FKBP5: variants seen among roughly 807,000 people sequenced by gnomAD.
FKBP5 encodes FKBP prolyl isomerase 5.
FKBP5 carries 23 observed loss-of-function variants against 50.5 expected under a neutral mutation model. The observed-to-expected ratio is 0.46, with a 90% CI of 0.33 to 0.65. The LOEUF is 0.65. Among genes scored for constraint, FKBP5 ranks in the 30% least tolerant of loss-of-function variants. The pLI, the probability that FKBP5 is intolerant of heterozygous loss-of-function variation, is 0.02. For synonymous variants in FKBP5, 176 were observed against 190.6 expected (o/e 0.92, Z 0.63); for missense variants, 411 against 553.1 (o/e 0.74, Z 2.58).
chr6:35,677,396 G>A (rs1404022360), intron 1 of FKBP5, among the ~76,000 whole-genome samples: 1 of 152,196 alleles, frequency 6.6e-6, no homozygotes, highest in African/African-American at 2.4e-5. Context: ...TTTTTAAAGG[G>A]AACTATCTTG....
At chr6:35,662,434 C>T (rs899413760) in intron 1 of FKBP5, among the ~76,000 whole-genome samples, 22 of 148,428 alleles carry the variant, frequency 1.5e-4, no homozygotes, top group African/African-American at 4.8e-4. Context: ...ACAACCACAC[C>T]CAGCTAATTT....
chr6:35,666,394 T>TAAAAAAAAAAAAAAAAAAAAAAAAAAA lies in FKBP5; in HGVS notation c.-20+22409_-20+22410insTTTTTTTTTTTTTTTTTTTTTTTTTTT, dbSNP rs550878351. ...CATGCAGAAACACTACTATTATAGT[T>TAAAAAAAAAAAAAAAAAAAAAAAAAAA]AAAAAAAAAAAAAAAAAAAAAAAAA... On this transcript the variant is annotated intron_variant, in intron 1 of 10. Transcript: ENST00000357266. Among the ~76,000 whole-genome samples, 43 of 33,254 alleles carry TAAAAAAAAAAAAAAAAAAAAAAAAAAA rather than the reference T, an allele frequency of 1.3e-3. 9 individuals carry two copies. Among genetic ancestry groups the TAAAAAAAAAAAAAAAAAAAAAAAAAAA allele is most frequent in the East Asian group, 4.9e-3 (4 of 824 alleles). The allele number at this position is 33,254 out of a possible 152,430, so 21.8% of individuals were successfully genotyped here. A position where few individuals can be genotyped will look rare whatever the true frequency, so the allele number is the denominator to read the frequency against.
At chr6:35,658,732 A>C (rs1238711728) in intron 1 of FKBP5, among the ~76,000 whole-genome samples, 1 of 22,114 alleles carries the variant, frequency 4.5e-5, no homozygotes, top group African/African-American at 1.1e-4. Context: ...ACTGTATTTT[A>C]TCATTTTTAT....
At chr6:35,650,719 G>A (rs1186434697) in intron 1 of FKBP5, among the ~76,000 whole-genome samples, 2 of 151,872 alleles carry the variant, frequency 1.3e-5, no homozygotes, top group Admixed American at 1.3e-4. Flanking sequence ...CAAGTGACCC[G>A]CCCGCCTCAG....
chr6:35,711,208 T>A (rs956685449), intron 2 of FKBP5, among the ~76,000 whole-genome samples: 6 of 151,820 alleles, frequency 4.0e-5, no homozygotes, highest in African/African-American at 1.4e-4. Context: ...TCCCAGCTAC[T>A]TGGGAGGCTG....
chr6:35,660,264 A>ATTTTTTTTT (rs773891773), intron 1 of FKBP5, among the ~76,000 whole-genome samples: 1 of 46,714 alleles, frequency 2.1e-5, no homozygotes, highest in Non-Finnish European at 4.4e-5. Flanking sequence ...CATTGATGCT[A>ATTTTTTTTT]TTTTTTTTTT....
chr6:35,588,121 G>C (rs1337314215), intron 7 of FKBP5, among the ~76,000 whole-genome samples: 1 of 151,618 alleles, frequency 6.6e-6, no homozygotes, highest in Non-Finnish European at 1.5e-5. Context: ...TGCCTCCCGG[G>C]TTCAAGTGAT....
intron 3 of FKBP5, among the ~76,000 whole-genome samples, chr6:35,633,083 A>G (rs1458640720): frequency 6.6e-6 from 1 of 152,186 alleles, no homozygotes; most frequent in Non-Finnish European, 1.5e-5. Context: ...AAGTCATACT[A>G]GAATCCCCAA....
upstream of FKBP5, among the ~76,000 whole-genome samples, chr6:35,690,530 C>T (rs532110287): frequency 1.3e-5 from 2 of 151,760 alleles, no homozygotes; most frequent in Non-Finnish European, 2.9e-5. Context: ...GAAACCGCCT[C>T]GAGGGCAGGG....
At chr6:35,701,486 G>T (rs1167803935) in intron 2 of FKBP5, among the ~76,000 whole-genome samples, 2 of 151,704 alleles carry the variant, frequency 1.3e-5, no homozygotes, top group South Asian at 2.1e-4. Flanking sequence ...CTCGTGATCC[G>T]CCCGCCTCGG....
intron 2 of FKBP5, among the ~76,000 whole-genome samples, chr6:35,702,740 C>T (rs992611778): frequency 1.3e-5 from 2 of 152,056 alleles, no homozygotes; most frequent in Admixed American, 6.6e-5. Flanking sequence ...GCATGAGCCA[C>T]CGCGCCCAGC....
intron 6 of FKBP5, among the ~76,000 whole-genome samples, chr6:35,592,271 G>C (rs7754690): frequency 0.029 from 4,451 of 152,246 alleles, 156 homozygotes; most frequent in African/African-American, 0.081. Flanking sequence ...TGGGGCAAAG[G>C]GACTAGAGTG....
chr6:35,581,653 T>C, intron 8 of FKBP5: 1 of 985,422 alleles, frequency 1.0e-6, no homozygotes. Flanking sequence ...GTGTCCACTG[T>C]GATTTTAAGG....
At chr6:35,635,927 A>G (rs1764297582) in intron 3 of FKBP5, among the ~76,000 whole-genome samples, 1 of 152,252 alleles carries the variant, frequency 6.6e-6, no homozygotes, top group South Asian at 2.1e-4. Flanking sequence ...GAATATAATT[A>G]TCTGATACTA....
At chr6:35,691,887 G>A (rs998173990), upstream of FKBP5, among the ~76,000 whole-genome samples, 2 of 152,118 alleles carry the variant, frequency 1.3e-5, no homozygotes, top group Non-Finnish European at 2.9e-5. Context: ...GTAGTACACA[G>A]GGCCGTGTAC....
At chr6:35,582,236 A>G in intron 8 of FKBP5, 1 of 985,408 alleles carries the variant, frequency 1.0e-6, no homozygotes, top group Non-Finnish European at 1.2e-6. Flanking sequence ...CAGGTCATTC[A>G]TAAGAACACG....
chr6:35,691,014 A>T (rs1316213110), upstream of FKBP5, among the ~76,000 whole-genome samples: 2 of 152,080 alleles, frequency 1.3e-5, no homozygotes, highest in African/African-American at 4.8e-5. Context: ...CTCAAAAAAA[A>T]TAATAATAAA....
chr6:35,629,224 C>A (rs1764082919), intron 3 of FKBP5, among the ~76,000 whole-genome samples: 1 of 152,020 alleles, frequency 6.6e-6, no homozygotes, highest in South Asian at 2.1e-4. Flanking sequence ...CCCATCTCAG[C>A]CTCCTGAGAA....
intron 1 of FKBP5, among the ~76,000 whole-genome samples, chr6:35,646,669 G>C (rs1764639663): frequency 6.6e-6 from 1 of 152,122 alleles, no homozygotes. Flanking sequence ...CCTCACCCTA[G>C]ATTTATTCTG....
Sources: allele counts gnomAD v4.1 joint callset (sites outside exome capture counted in the v4.1 genomes callset), GRCh38; gene constraint gnomAD v4.1.1; transcripts MANE v1.5; gene names NCBI Gene and HGNC (gene_info 2026-07-23, HGNC 2026-07-21).